The following SCCPDH variants were observed in gnomAD, a reference collection of about 807,000 sequenced individuals.
The protein encoded by SCCPDH is saccharopine dehydrogenase-like oxidoreductase.
A neutral mutation model predicts 51.5 loss-of-function variants in SCCPDH; 34 were observed. The observed-to-expected ratio is 0.66, with a 90% CI of 0.50 to 0.88. The LOEUF is 0.88. Ranked by LOEUF, SCCPDH falls within the 40% of genes least tolerant of loss-of-function variation. SCCPDH has a pLI of 0.00. For synonymous variants in SCCPDH, 187 were observed against 191.3 expected, an observed-to-expected ratio of 0.98 and a Z score of 0.19; for missense variants, 464 against 527.1, an observed-to-expected ratio of 0.88 and a Z score of 1.17.
intron 5 of SCCPDH, among the ~76,000 whole-genome samples, chr1:246,753,132 C>T (rs1230783924): frequency 6.6e-6 from 1 of 151,106 alleles, no homozygotes; most frequent in Non-Finnish European, 1.5e-5. Flanking sequence ...TTTTTCTCTA[C>T]CTTTGAGTCT....
At chr1:246,744,626 A>AT (rs1668731724) in intron 5 of SCCPDH, among the ~76,000 whole-genome samples, 1 of 150,184 alleles carries the variant, frequency 6.7e-6, no homozygotes, top group Non-Finnish European at 1.5e-5. Flanking sequence ...TGGCTATTTT[A>AT]TTTTTTTGAG....
chr1:246,739,133 A>G (rs1041454553), intron 3 of SCCPDH, among the ~76,000 whole-genome samples: 2 of 151,916 alleles, frequency 1.3e-5, no homozygotes, highest in African/African-American at 2.4e-5. Context: ...GTGCTTGAAC[A>G]GGTGTGATTG....
At chr1:246,748,612 A>G (rs1255632956) in intron 5 of SCCPDH, among the ~76,000 whole-genome samples, 1 of 152,188 alleles carries the variant, frequency 6.6e-6, no homozygotes, top group Non-Finnish European at 1.5e-5. Flanking sequence ...TAATGTATCC[A>G]GTCTTTGTTT....
intron 1 of SCCPDH, among the ~76,000 whole-genome samples, chr1:246,725,999 G>A (rs778667108): frequency 4.7e-4 from 72 of 152,060 alleles, no homozygotes; most frequent in Non-Finnish European, 7.9e-4. Flanking sequence ...TGAGTAGCTG[G>A]GACTAGAGGC....
chr1:246,746,821 A>G (rs1241769839), intron 5 of SCCPDH, among the ~76,000 whole-genome samples: 8 of 152,234 alleles, frequency 5.3e-5, no homozygotes, highest in Non-Finnish European at 7.3e-5. Context: ...TGCCTGGGTA[A>G]CAGAGCAAGA....
At chr1:246,729,102 A>C (rs561102465) in intron 2 of SCCPDH, among the ~76,000 whole-genome samples, 28 of 152,342 alleles carry the variant, frequency 1.8e-4, no homozygotes, top group African/African-American at 6.5e-4. Flanking sequence ...GGAGTGGGTC[A>C]CAGAGATCAC....
In SCCPDH at chr1:246,741,469, T is replaced by C. The variant is rs1309297526; in HGVS notation, c.514+1168T>C. On this transcript the variant is annotated intron_variant, in intron 4 of 11. Transcript: ENST00000366510. ...ATGCCACCATACTCAACTAATTTTA[T>C]AAAATTTTTGTAGAGATGAGTTCTC... Among the ~76,000 whole-genome samples, 6 of 152,084 alleles carry C rather than the reference T, an allele frequency of 3.9e-5. No individual in the cohort carries two copies. The East Asian group carries it at 1.2e-3, about 30-fold the overall frequency.
intron 3 of SCCPDH, among the ~76,000 whole-genome samples, chr1:246,738,053 A>G (rs1259148660): frequency 6.6e-6 from 1 of 152,084 alleles, no homozygotes; most frequent in Admixed American, 6.5e-5. Flanking sequence ...AAAATCAGCC[A>G]AGCATGGTGG....
At chr1:246,746,107 CAAAAAAAAAAAAAA>C (rs756929255) in intron 5 of SCCPDH, among the ~76,000 whole-genome samples, 2 of 79,572 alleles carry the variant, frequency 2.5e-5, no homozygotes, top group South Asian at 3.5e-4. Flanking sequence ...GACTCCATCT[CAAAAAAAAAAAAAA>C]AAAAAAAAAA....
At chr1:246,748,835 A>C (rs1668808824) in intron 5 of SCCPDH, among the ~76,000 whole-genome samples, 1 of 152,174 alleles carries the variant, frequency 6.6e-6, no homozygotes, top group Non-Finnish European at 1.5e-5. Context: ...GGACTAGAGC[A>C]CAAGTGCTGC....
At chr1:246,737,787 T>C (rs912677158) in intron 3 of SCCPDH, among the ~76,000 whole-genome samples, 4 of 152,090 alleles carry the variant, frequency 2.6e-5, no homozygotes, top group Non-Finnish European at 5.9e-5. Flanking sequence ...TGACAGGGTT[T>C]CACCGTGTTG....
intron 9 of SCCPDH, among the ~76,000 whole-genome samples, chr1:246,763,541 G>C (rs1311382753): frequency 6.6e-6 from 1 of 152,140 alleles, no homozygotes; most frequent in Non-Finnish European, 1.5e-5. Flanking sequence ...TATATATACA[G>C]TTCAGAACCA....
intron 11 of SCCPDH, among the ~76,000 whole-genome samples, chr1:246,766,790 T>G (rs1375098220): frequency 6.6e-6 from 1 of 152,258 alleles, no homozygotes; most frequent in Admixed American, 6.5e-5. Context: ...AAAACTTCTT[T>G]TTCATCCAAT....
chr1:246,749,374 T>C (rs1342825025), intron 5 of SCCPDH, among the ~76,000 whole-genome samples: 1 of 152,206 alleles, frequency 6.6e-6, no homozygotes, highest in Non-Finnish European at 1.5e-5. Flanking sequence ...GGTTTTATCA[T>C]TGGGTATATA....
intron 6 of SCCPDH, 33 bp downstream of exon 6, chr1:246,758,389 C>G (rs372765656): frequency 2.0e-6 from 3 of 1,532,028 alleles, no homozygotes; most frequent in Non-Finnish European, 2.7e-6. Context: ...TTTTATATAT[C>G]TAGTCTAAGT....
chr1:246,744,106 CTA>C lies in SCCPDH; in HGVS notation c.548_549del (p.Ile183ThrfsTer5), dbSNP rs1572298358. ...TTGACTGCTGTGGAAAGTTTCCTGA[CTA>C]TACATTCAGGACCTGAGGTTGGTTT... On this transcript the variant is annotated frameshift_variant, in exon 5 of 12. Coordinates refer to ENST00000366510, the MANE Select transcript of SCCPDH (RefSeq NM_016002.3). LOFTEE classifies it high-confidence loss of function. 3.1e-6 allele frequency: 5 copies of C among 1,601,740 alleles called. No individual in the cohort carries two copies. Among genetic ancestry groups the C allele is most frequent in the Non-Finnish European group, 4.3e-6 (5 of 1,170,852 alleles).
chr1:246,726,667 G>A (rs1668404911), intron 1 of SCCPDH, among the ~76,000 whole-genome samples: 2 of 152,080 alleles, frequency 1.3e-5, no homozygotes, highest in Admixed American at 1.3e-4. Flanking sequence ...TTTTTAAAAG[G>A]TCAGTTTTTT....
intron 5 of SCCPDH, among the ~76,000 whole-genome samples, chr1:246,745,460 A>G (rs1427865947): frequency 6.6e-6 from 1 of 152,234 alleles, no homozygotes; most frequent in African/African-American, 2.4e-5. Context: ...AAAGAAAAAA[A>G]TGTTTGTTAT....
intron 5 of SCCPDH, among the ~76,000 whole-genome samples, chr1:246,753,134 T>C (rs995239997): frequency 6.6e-6 from 1 of 151,906 alleles, no homozygotes; most frequent in Non-Finnish European, 1.5e-5. Flanking sequence ...TTTCTCTACC[T>C]TTGAGTCTCC....
Sources: allele counts gnomAD v4.1 joint callset (sites outside exome capture counted in the v4.1 genomes callset), GRCh38; gene constraint gnomAD v4.1.1; transcripts MANE v1.5; gene names NCBI Gene and HGNC (gene_info 2026-07-23, HGNC 2026-07-21).